C4orf51: variants seen among roughly 807,000 people sequenced by gnomAD.
The protein encoded by C4orf51 is uncharacterized protein C4orf51.
A neutral mutation model predicts 25.2 loss-of-function variants in C4orf51; 25 were observed. The ratio of observed to expected loss-of-function variants is 0.99; its 90% CI spans 0.72 to 1.39. The LOEUF is 1.39. C4orf51 is among the 40% of genes most tolerant of loss of function. C4orf51 has a pLI of 0.00. For missense variants in C4orf51, 252 were observed against 239.6 expected, an observed-to-expected ratio of 1.05 and a Z score of -0.34; for synonymous variants, 100 against 84.5, an observed-to-expected ratio of 1.18 and a Z score of -1.01.
At chr4:145,756,335 G>A (rs941218593), downstream of C4orf51, among the ~76,000 whole-genome samples, 1 of 152,222 alleles carries the variant, frequency 6.6e-6, no homozygotes, top group African/African-American at 2.4e-5. Flanking sequence ...TAGCATGACA[G>A]TAGGAGAAAT....
chr4:145,791,290 G>A, the C4orf51 span, among the ~76,000 whole-genome samples: 1 of 152,198 alleles, frequency 6.6e-6, no homozygotes, highest in South Asian at 2.1e-4. Flanking sequence ...CTTTTATAAG[G>A]GCCTCTTTTA....
rs62345780 is a variant in C4orf51 at position 145,761,181 on chromosome 4, G to C, written n.167-9807G>C. On this transcript the variant is annotated intron_variant and non_coding_transcript_variant, in intron 1 of 1. Transcript: ENST00000510096. This position sits in a 1 kb window ranked among gnomAD's most constrained non-coding sequence, Gnocchi z 6.8. ...GACACAGGCCCTTCTTGTCCTCCTC[G>C]GGGCAGTCCCCACTCTGGTGCTTCT... The C allele has an allele frequency of 7.8e-7, 1 of 1,289,810 alleles. No homozygotes were observed. Among genetic ancestry groups the C allele is most frequent in the East Asian group, 5.6e-5 (1 of 18,012 alleles). 79.9% of individuals were successfully genotyped at this position (1,289,810 alleles called of 1,614,324 possible).
chr4:145,779,201 A>G, the C4orf51 span, among the ~76,000 whole-genome samples: 5 of 152,362 alleles, frequency 3.3e-5, no homozygotes, highest in African/African-American at 4.8e-5. Flanking sequence ...TTCAATACAA[A>G]TAAAAAAGCC....
At chr4:145,738,475 T>TATAG (rs1178911500) in intron 1 of C4orf51, among the ~76,000 whole-genome samples, 1 of 151,374 alleles carries the variant, frequency 6.6e-6, no homozygotes, top group African/African-American at 2.4e-5. Flanking sequence ...TATATATATA[T>TATAG]ATAGACACAC....
downstream of C4orf51, among the ~76,000 whole-genome samples, chr4:145,733,116 G>T (rs1290867571): frequency 6.6e-6 from 1 of 152,138 alleles, no homozygotes; most frequent in East Asian, 1.9e-4. Flanking sequence ...TCCCTCGGTA[G>T]GCTGCCTGCG....
the C4orf51 span, among the ~76,000 whole-genome samples, chr4:145,778,599 G>C: frequency 6.6e-6 from 1 of 152,202 alleles, no homozygotes; most frequent in South Asian, 2.1e-4. Flanking sequence ...GTGACAGAGC[G>C]AGACCCTATC....
intron 1 of C4orf51, among the ~76,000 whole-genome samples, chr4:145,691,380 T>A (rs1457771674): frequency 6.6e-6 from 1 of 152,188 alleles, no homozygotes; most frequent in Non-Finnish European, 1.5e-5. Context: ...TGGAAAGTAG[T>A]TTGGAGATTT....
intron 2 of C4orf51, among the ~76,000 whole-genome samples, chr4:145,712,708 A>G (rs1731198566): frequency 6.6e-6 from 1 of 152,260 alleles, no homozygotes; most frequent in Non-Finnish European, 1.5e-5. Flanking sequence ...CAGAAGACAT[A>G]GCTAAGGTAA....
chr4:145,729,296 G>GCTTT (rs1560852505), intron 4 of C4orf51, 67 bp downstream of exon 4: 1 of 329,398 alleles, frequency 3.0e-6, no homozygotes, highest in Non-Finnish European at 4.8e-6. Flanking sequence ...GTGGTCATGT[G>GCTTT]ATTTTTTTTT....
rs551156478 is a variant in C4orf51 at position 145,701,879 on chromosome 4, T to G, written c.307+5247T>G. Among the ~76,000 whole-genome samples, 11 of 152,190 alleles carry G rather than the reference T, an allele frequency of 7.2e-5. No homozygotes were observed. In the East Asian group the frequency reaches 2.1e-3, roughly 29 times the overall value. On this transcript the variant is annotated intron_variant, in intron 2 of 5. Coordinates refer to ENST00000438731, the MANE Select transcript of C4orf51 (RefSeq NM_001080531.3). Reference sequence around the variant, plus strand: ...GAGATATTTTAACCAAATTATCTGCTTCCCTGACTATTCCTGGACTACAGC... The same window carrying G: ...GAGATATTTTAACCAAATTATCTGCGTCCCTGACTATTCCTGGACTACAGC...
At chr4:145,681,762 C>T (rs1251418996) in intron 1 of C4orf51, among the ~76,000 whole-genome samples, 1 of 152,166 alleles carries the variant, frequency 6.6e-6, no homozygotes, top group Non-Finnish European at 1.5e-5. Flanking sequence ...ACTGAACTTG[C>T]TTTATAAACA....
At chr4:145,728,915 T>A (rs1392113657) in intron 3 of C4orf51, among the ~76,000 whole-genome samples, 1 of 152,046 alleles carries the variant, frequency 6.6e-6, no homozygotes, top group Non-Finnish European at 1.5e-5. Flanking sequence ...GGCTTTTTCT[T>A]TTTCTTTTTT....
At chr4:145,713,263 T>C (rs1731228668) in intron 2 of C4orf51, among the ~76,000 whole-genome samples, 1 of 152,238 alleles carries the variant, frequency 6.6e-6, no homozygotes, top group South Asian at 2.1e-4. Context: ...CATAAGGCTA[T>C]GGACACCATA....
intron 1 of C4orf51, among the ~76,000 whole-genome samples, chr4:145,684,767 GA>G (rs1012638830): frequency 1.3e-5 from 2 of 152,034 alleles, no homozygotes; most frequent in African/African-American, 2.4e-5. Context: ...ACTGCTCTTA[GA>G]AAAAAAGTCT....
intron 1 of C4orf51, chr4:145,760,718 TG>T (rs1479282963): frequency 2.5e-4 from 241 of 954,782 alleles, no homozygotes; most frequent in Admixed American, 8.4e-4. Flanking sequence ...TTAAGTTTTG[TG>T]GTTTTTTTTT....
the C4orf51 span, among the ~76,000 whole-genome samples, chr4:145,786,378 A>C: frequency 6.6e-6 from 1 of 152,214 alleles, no homozygotes; most frequent in African/African-American, 2.4e-5. Context: ...TGTAAGCAAA[A>C]GATTGGCCAA....
intron 2 of C4orf51, among the ~76,000 whole-genome samples, chr4:145,719,554 A>C: frequency 7.1e-6 from 1 of 140,640 alleles, no homozygotes. Context: ...GCGCCACTGC[A>C]CTCCAGCCTG....
rs77799658 is a variant in C4orf51 at position 145,728,587 on chromosome 4, G to A, written c.367-582G>A. Among the ~76,000 whole-genome samples the A allele has an allele frequency of 9.4e-3, 1,426 of 152,194 alleles. 17 individuals are homozygous for A. The highest frequency in any genetic ancestry group is 0.031 in the African/African-American group (1,293 of 41,506). On this transcript the variant is annotated intron_variant, in intron 3 of 5. Coordinates refer to ENST00000438731, the MANE Select transcript of C4orf51 (RefSeq NM_001080531.3). ...AGCCTCCAGTCACAACATCTTTGTCGACTGATCAATATATAATTTTGTTTT... is the reference window on the plus strand; with the variant it reads ...AGCCTCCAGTCACAACATCTTTGTCAACTGATCAATATATAATTTTGTTTT...
At chr4:145,703,336 C>G (rs1467218859) in intron 2 of C4orf51, among the ~76,000 whole-genome samples, 1 of 152,026 alleles carries the variant, frequency 6.6e-6, no homozygotes, top group African/African-American at 2.4e-5. Context: ...AACAAACCCC[C>G]TTTGACTGTA....
Sources: allele counts gnomAD v4.1 joint callset (sites outside exome capture counted in the v4.1 genomes callset), GRCh38; gene constraint gnomAD v4.1.1; non-coding constraint Gnocchi (gnomAD v3.1); transcripts MANE v1.5; gene names NCBI Gene and HGNC (gene_info 2026-07-23, HGNC 2026-07-21).